Variants in ATG10 observed in about 807,000 individuals in gnomAD.
The protein encoded by ATG10 is ubiquitin-like-conjugating enzyme ATG10.
ATG10 carries 30 observed loss-of-function variants against 32.1 expected under a neutral mutation model. The ratio of observed to expected loss-of-function variants is 0.94; its 90% CI spans 0.70 to 1.27. ATG10 has a LOEUF of 1.27. Ranked by LOEUF, ATG10 falls within the 50% of genes most tolerant of loss-of-function variation. The pLI, the probability that ATG10 is intolerant of heterozygous loss-of-function variation, is 0.00. For missense variants in ATG10, 233 were observed against 262.3 expected, an observed-to-expected ratio of 0.89 and a Z score of 0.77; for synonymous variants, 87 against 91.5, an observed-to-expected ratio of 0.95 and a Z score of 0.28.
At chr5:82,146,153 T>G (rs1217173202) in intron 3 of ATG10, among the ~76,000 whole-genome samples, 1 of 152,188 alleles carries the variant, frequency 6.6e-6, no homozygotes, top group Admixed American at 6.5e-5. Context: ...ATGAATTGCC[T>G]TAGTGTTCCT....
intron 3 of ATG10, among the ~76,000 whole-genome samples, chr5:82,114,937 T>G (rs1272046085): frequency 6.6e-6 from 1 of 152,106 alleles, no homozygotes; most frequent in African/African-American, 2.4e-5. Context: ...CATGTAGATA[T>G]TAAGCACTTG....
chr5:82,108,894 A>T (rs76844089), intron 3 of ATG10, among the ~76,000 whole-genome samples: 11 of 55,746 alleles, frequency 2.0e-4, no homozygotes, highest in Non-Finnish European at 4.1e-4. Flanking sequence ...AAACAGGCAT[A>T]GGGGGGAAGA....
chr5:82,092,952 C>G lies in ATG10; in HGVS notation c.216+34350C>G, dbSNP rs538616761. Among the ~76,000 whole-genome samples the G allele has an allele frequency of 2.0e-5, 3 of 152,144 alleles. No homozygotes were observed. In the South Asian group the frequency reaches 6.2e-4, roughly 32 times the overall value. On this transcript the variant is annotated intron_variant, in intron 3 of 7. Coordinates refer to ENST00000282185, the MANE Select transcript of ATG10 (RefSeq NM_031482.5). ...TTTAGACAAATATTTTAGATAAATTCTTTACTATCTGACCTTTTGCTACTT... is the reference window on the plus strand; with the variant it reads ...TTTAGACAAATATTTTAGATAAATTGTTTACTATCTGACCTTTTGCTACTT...
intron 3 of ATG10, among the ~76,000 whole-genome samples, chr5:82,092,255 A>G (rs1298623563): frequency 6.6e-6 from 1 of 152,234 alleles, no homozygotes; most frequent in Non-Finnish European, 1.5e-5. Flanking sequence ...TGAATACTAC[A>G]TTCATATCAT....
At chr5:82,049,634 A>G (rs964163131) in intron 2 of ATG10, among the ~76,000 whole-genome samples, 1 of 152,198 alleles carries the variant, frequency 6.6e-6, no homozygotes, top group Non-Finnish European at 1.5e-5. Context: ...TTGAAAATTG[A>G]AAGCCCTAAG....
intron 5 of ATG10, among the ~76,000 whole-genome samples, chr5:82,203,030 C>T (rs970481297): frequency 6.6e-6 from 1 of 152,180 alleles, no homozygotes; most frequent in Admixed American, 6.5e-5. Context: ...GAGTTTGAGA[C>T]CAGCCTAGCC....
At chr5:82,022,315 T>C (rs1247244494) in intron 2 of ATG10, among the ~76,000 whole-genome samples, 1 of 151,996 alleles carries the variant, frequency 6.6e-6, no homozygotes, top group Admixed American at 6.6e-5. Flanking sequence ...TGTATTACTT[T>C]GATTAAAATG....
rs992254641 is a variant in ATG10 at position 82,122,359 on chromosome 5, G to A, written c.217-42040G>A. ...CTTTTTTACATCGTATACAAAAATC[G>A]ACTCACGGTGGATTAGAGACTTAAA... On this transcript the variant is annotated intron_variant, in intron 3 of 7. Transcript: ENST00000282185. Among the ~76,000 whole-genome samples the A allele has an allele frequency of 3.3e-5, 5 of 151,972 alleles. No individual in the cohort carries two copies. In the South Asian group the frequency reaches 6.2e-4, roughly 19 times the overall value.
At chr5:82,000,471 A>G (rs938050687) in intron 2 of ATG10, among the ~76,000 whole-genome samples, 4 of 152,172 alleles carry the variant, frequency 2.6e-5, no homozygotes, top group Admixed American at 2.0e-4. Flanking sequence ...GGCCAGAGCA[A>G]TCAGGTAAGA....
chr5:82,085,967 A>T (rs1764674531), intron 3 of ATG10, among the ~76,000 whole-genome samples: 1 of 152,212 alleles, frequency 6.6e-6, no homozygotes, highest in Admixed American at 6.5e-5. Context: ...GGATTACAAT[A>T]GATAATATTG....
chr5:82,025,278 A>C (rs1762561657), intron 2 of ATG10, among the ~76,000 whole-genome samples: 1 of 152,208 alleles, frequency 6.6e-6, no homozygotes, highest in African/African-American at 2.4e-5. Context: ...AAGTCATAGA[A>C]ATAGAGGTTT....
intron 5 of ATG10, among the ~76,000 whole-genome samples, chr5:82,213,688 C>G (rs1745574979): frequency 6.6e-6 from 1 of 152,174 alleles, no homozygotes; most frequent in Non-Finnish European, 1.5e-5. Context: ...ACCAGTTCGA[C>G]CAGTCACGCT....
chr5:82,059,803 C>T (rs1388158281), intron 3 of ATG10, among the ~76,000 whole-genome samples: 1 of 152,078 alleles, frequency 6.6e-6, no homozygotes, highest in East Asian at 1.9e-4. Flanking sequence ...GCAAGTTATT[C>T]TTGAGAGTAT....
intron 3 of ATG10, among the ~76,000 whole-genome samples, chr5:82,127,878 G>C (rs887767430): frequency 1.1e-4 from 17 of 151,850 alleles, no homozygotes; most frequent in African/African-American, 3.6e-4. Context: ...ATTGACAGTG[G>C]GGTGTTAAAG....
chr5:82,107,693 A>G (rs944159663), intron 3 of ATG10, among the ~76,000 whole-genome samples: 4 of 152,096 alleles, frequency 2.6e-5, no homozygotes, highest in Non-Finnish European at 4.4e-5. Context: ...CTTACTGTTT[A>G]TAAGACTTGA....
At chr5:82,193,007 GA>G (rs1744717654) in intron 5 of ATG10, among the ~76,000 whole-genome samples, 1 of 152,100 alleles carries the variant, frequency 6.6e-6, no homozygotes, top group African/African-American at 2.4e-5. Context: ...TGATTAGTTG[GA>G]TATGCTGTTT....
chr5:82,185,649 A>T (rs375006962), intron 5 of ATG10, among the ~76,000 whole-genome samples: 1 of 152,222 alleles, frequency 6.6e-6, no homozygotes, highest in South Asian at 2.1e-4. Flanking sequence ...AACAAAAAAA[A>T]CATACTCCTT....
intron 5 of ATG10, among the ~76,000 whole-genome samples, chr5:82,205,058 C>A (rs990464790): frequency 2.6e-5 from 4 of 152,118 alleles, no homozygotes; most frequent in Admixed American, 1.3e-4. Flanking sequence ...CAGAAGTGTA[C>A]GAGGAAACAC....
At chr5:82,229,285 A>AGGAGCACTGGCT (rs1326759717) in intron 5 of ATG10, among the ~76,000 whole-genome samples, 17 of 152,224 alleles carry the variant, frequency 1.1e-4, no homozygotes, top group Non-Finnish European at 2.5e-4. Flanking sequence ...CTAAGACAGG[A>AGGAGCACTGGCT]AAGAATAAAT....
Sources: allele counts gnomAD v4.1 joint callset (sites outside exome capture counted in the v4.1 genomes callset), GRCh38; gene constraint gnomAD v4.1.1; transcripts MANE v1.5; gene names NCBI Gene and HGNC (gene_info 2026-07-23, HGNC 2026-07-21).